The following CFAP58 variants were observed in gnomAD, a reference collection of about 807,000 sequenced individuals.
The protein encoded by CFAP58 is cilia- and flagella-associated protein 58.
In CFAP58, 88 loss-of-function variants were observed where a neutral mutation model predicts 119.5. The observed-to-expected ratio is 0.74, with a 90% confidence interval of 0.62 to 0.88. The LOEUF is 0.88. Among genes scored for constraint, CFAP58 ranks in the 40% least tolerant of loss-of-function variants. The pLI is 0.00. For synonymous variants in CFAP58, 365 were observed against 366.3 expected, an observed-to-expected ratio of 1.00 and a Z score of 0.04; for missense variants, 990 against 1,021.2, an observed-to-expected ratio of 0.97 and a Z score of 0.42.
intron 15 of CFAP58, among the ~76,000 whole-genome samples, chr10:104,438,648 T>C (rs924698930): frequency 6.6e-6 from 1 of 152,222 alleles, no homozygotes; most frequent in Non-Finnish European, 1.5e-5. Flanking sequence ...GTGCTGGGAT[T>C]ACAGGCGTGA....
At chr10:104,360,396 C>T (rs1156536004) in intron 2 of CFAP58, among the ~76,000 whole-genome samples, 1 of 151,370 alleles carries the variant, frequency 6.6e-6, no homozygotes, top group Non-Finnish European at 1.5e-5. Context: ...AGGAAACTTA[C>T]AGTCATGGCA....
At chr10:104,415,969 G>GCAGCAGCGT (rs529592601) in intron 15 of CFAP58, among the ~76,000 whole-genome samples, 124 of 152,294 alleles carry the variant, frequency 8.1e-4, no homozygotes, top group African/African-American at 2.9e-3. Flanking sequence ...CTATGCACAG[G>GCAGCAGCGT]CAGCAGCGTA....
At chr10:104,400,630 A>G (rs1323118013) in intron 12 of CFAP58, 50 bp from the exon 13 acceptor site, 1 of 1,469,092 alleles carries the variant, frequency 6.8e-7, no homozygotes, top group African/African-American at 1.4e-5. Flanking sequence ...CACAGTGAAA[A>G]GCTAAGGCTC....
At chr10:104,395,312 G>A (rs1411317062) in intron 11 of CFAP58, among the ~76,000 whole-genome samples, 1 of 152,188 alleles carries the variant, frequency 6.6e-6, no homozygotes, top group Non-Finnish European at 1.5e-5. Flanking sequence ...TTGGCAGCTG[G>A]TGAACATGAA....
chr10:104,372,370 A>AAG (rs2014835951), intron 7 of CFAP58, among the ~76,000 whole-genome samples: 1 of 152,148 alleles, frequency 6.6e-6, no homozygotes, highest in Non-Finnish European at 1.5e-5. Flanking sequence ...AAAAAAGAAA[A>AAG]AGAGAGAGAA....
chr10:104,400,573 A>C, intron 12 of CFAP58, 107 bp from the exon 13 acceptor site: 1 of 887,662 alleles, frequency 1.1e-6, no homozygotes, highest in Non-Finnish European at 1.9e-6. Context: ...TGTGGTGCCC[A>C]GTACATGTGG....
rs761536279 is a variant in CFAP58, at chr10:104,454,544, G to T, written c.*14G>T. 2 of 1,587,190 alleles carry T rather than the reference G, an allele frequency of 1.3e-6. No individual in the cohort carries two copies. The highest frequency in any genetic ancestry group is 1.7e-4 in the Middle Eastern group (1 of 5,998). On this transcript the variant is annotated 3_prime_UTR_variant, in exon 18 of 18. Coordinates refer to ENST00000369704, the MANE Select transcript of CFAP58 (RefSeq NM_001008723.2). Reference sequence around the variant, plus strand: ...ATGACGTTCTAACCTGAAGCTGCTGGCTGTTTCCAGTTGAACAACTCATGA... The same window carrying T: ...ATGACGTTCTAACCTGAAGCTGCTGTCTGTTTCCAGTTGAACAACTCATGA...
intron 11 of CFAP58, among the ~76,000 whole-genome samples, chr10:104,398,767 T>A (rs1032224555): frequency 6.6e-6 from 1 of 152,230 alleles, no homozygotes; most frequent in Non-Finnish European, 1.5e-5. Context: ...TATTTGTCTA[T>A]CTTATCCTCT....
At chr10:104,356,105 G>A (rs2014539374) in intron 1 of CFAP58, among the ~76,000 whole-genome samples, 2 of 152,198 alleles carry the variant, frequency 1.3e-5, no homozygotes, top group Admixed American at 1.3e-4. Context: ...TTACTACATT[G>A]TGGTCTTTGC....
intron 15 of CFAP58, among the ~76,000 whole-genome samples, chr10:104,425,782 G>A (rs1445983717): frequency 1.3e-5 from 2 of 152,166 alleles, no homozygotes; most frequent in South Asian, 2.1e-4. Context: ...CCGTTCAAGA[G>A]TGTGACTTGG....
Position 104,387,189 on chromosome 10 carries a change from C to A in CFAP58, c.1366-5044C>A, listed in dbSNP as rs192005893. Among the ~76,000 whole-genome samples, 20 of 152,326 alleles carry A rather than the reference C, an allele frequency of 1.3e-4. No homozygotes were observed. The East Asian group carries it at 3.9e-3, about 29-fold the overall frequency. On this transcript the variant is annotated intron_variant, in intron 9 of 17. Transcript: ENST00000369704. ...AATAGTGCATGATAAATAGCCACAACATCTCCGTGGGATACAAAAACAAGC... is the reference window on the plus strand; with the variant it reads ...AATAGTGCATGATAAATAGCCACAAAATCTCCGTGGGATACAAAAACAAGC...
intron 9 of CFAP58, among the ~76,000 whole-genome samples, chr10:104,383,127 C>T (rs1015388655): frequency 3.9e-5 from 6 of 152,320 alleles, no homozygotes; most frequent in Admixed American, 3.3e-4. Context: ...GTGGAAAGTT[C>T]TGTCCTTTCT....
In CFAP58 at chr10:104,376,211, C is replaced by T. The variant is rs182202208; in HGVS notation, c.1091-600C>T. On this transcript the variant is annotated intron_variant, in intron 7 of 17. Coordinates refer to ENST00000369704, the MANE Select transcript of CFAP58 (RefSeq NM_001008723.2). Reference sequence around the variant, plus strand: ...AGATTGGAAAGTAAGTCATGATATACAGCGTTAAATAAAACCCATCAGATG... The same window carrying T: ...AGATTGGAAAGTAAGTCATGATATATAGCGTTAAATAAAACCCATCAGATG... Among the ~76,000 whole-genome samples the T allele has an allele frequency of 3.5e-3, 527 of 151,888 alleles. 12 individuals are homozygous for T. Among genetic ancestry groups the T allele is most frequent in the Non-Finnish European group, 1.0e-3 (70 of 67,980 alleles).
chr10:104,399,651 A>G (rs970768641), intron 12 of CFAP58, 151 bp downstream of exon 12: 1 of 804,344 alleles, frequency 1.2e-6, no homozygotes, highest in Admixed American at 3.0e-5. Context: ...ATTAATTATG[A>G]AATATTCACT....
At chr10:104,370,362 G>A (rs2014805997) in intron 6 of CFAP58, among the ~76,000 whole-genome samples, 1 of 152,224 alleles carries the variant, frequency 6.6e-6, no homozygotes, top group Non-Finnish European at 1.5e-5. Context: ...TGGACTTACA[G>A]TTCCACATGG....
At chr10:104,393,221 C>A in intron 10 of CFAP58, 108 bp from the exon 11 acceptor site, 3 of 971,722 alleles carry the variant, frequency 3.1e-6, no homozygotes, top group Non-Finnish European at 1.5e-6. Context: ...ATCAAGAGAC[C>A]ATTGTTTTGA....
chr10:104,364,619 A>G, intron 3 of CFAP58, 114 bp from the exon 4 acceptor site: 1 of 854,318 alleles, frequency 1.2e-6, no homozygotes, highest in East Asian at 2.8e-5. Context: ...TAATGTCTGA[A>G]TAGTGTTAAT....
intron 15 of CFAP58, among the ~76,000 whole-genome samples, chr10:104,428,152 G>T (rs1564901598): frequency 6.6e-6 from 1 of 152,176 alleles, no homozygotes; most frequent in African/African-American, 2.4e-5. Context: ...TCAAAGGGTG[G>T]TATCACACAG....
At chr10:104,351,185 C>T (rs982980672), upstream of CFAP58, among the ~76,000 whole-genome samples, 2 of 152,170 alleles carry the variant, frequency 1.3e-5, no homozygotes, top group Admixed American at 6.5e-5. Context: ...CCTGCCTCTC[C>T]AGTTCATCTG....
Sources: gnomAD v4.1 joint callset for allele counts (sites outside exome capture counted in the v4.1 genomes callset) on GRCh38, gnomAD v4.1.1 for gene constraint, MANE v1.5 for transcripts, NCBI Gene and HGNC (gene_info 2026-07-23, HGNC 2026-07-21) for gene names.